The following SKI variants were observed in gnomAD, a reference collection of about 807,000 sequenced individuals.
SKI encodes the protein ski oncogene.
A neutral mutation model predicts 59.3 loss-of-function variants in SKI; 23 were observed. The ratio of observed to expected loss-of-function variants is 0.39; its 90% CI spans 0.28 to 0.55. SKI has a LOEUF of 0.55. Ranked by LOEUF, SKI falls within the 20% of genes least tolerant of loss-of-function variation. SKI has a pLI of 0.67. For synonymous variants in SKI, 673 were observed against 488.6 expected (o/e 1.38, Z -4.98); for missense variants, 1,017 against 1,038.9 (o/e 0.98, Z 0.29).
At chr1:2,236,945 G>A (rs564057881) in intron 1 of SKI, among the ~76,000 whole-genome samples, 1 of 152,284 alleles carries the variant, frequency 6.6e-6, no homozygotes, top group South Asian at 2.1e-4. Flanking sequence ...CAGGTCCCAC[G>A]GTGCTGCTTG....
At chr1:2,302,136 T>C (rs751421787) in intron 1 of SKI, among the ~76,000 whole-genome samples, 1 of 152,174 alleles carries the variant, frequency 6.6e-6, no homozygotes, top group Non-Finnish European at 1.5e-5. Flanking sequence ...TCACTGGCTC[T>C]TGGGGGATGT....
At chr1:2,234,321 C>T (rs1287947395) in intron 1 of SKI, among the ~76,000 whole-genome samples, 1 of 152,152 alleles carries the variant, frequency 6.6e-6, no homozygotes, top group Non-Finnish European at 1.5e-5. Flanking sequence ...GGTCTGTCAT[C>T]CGTCTGTCTG....
intron 1 of SKI, among the ~76,000 whole-genome samples, chr1:2,295,418 A>C (rs1262393941): frequency 1.3e-5 from 2 of 152,266 alleles, no homozygotes; most frequent in Non-Finnish European, 2.9e-5. Context: ...TTTGCGTACC[A>C]TAAAATTCTT....
rs1409258473 is a variant in SKI at position 2,304,496 on chromosome 1, G to C, written c.1678G>C (p.Glu560Gln). 6.3e-7 allele frequency: 1 copy of C among 1,580,964 alleles called. No homozygotes were observed. The highest frequency in any genetic ancestry group is 1.2e-5 in the South Asian group (1 of 86,382). The change falls in exon 5 of 7, where the codon GAG (glutamate) becomes CAG (glutamine). Residue 560 changes from glutamate to glutamine, a missense_variant. By Grantham distance (29) the Glu-to-Gln change is conservative (BLOSUM62 2). Transcript: ENST00000378536. ...CGGCCTGGACACCAAGGAAGCCAAAGAGAAGTTCCTGCATGAGGTGGTCAA... is the reference window on the plus strand; with the variant it reads ...CGGCCTGGACACCAAGGAAGCCAAACAGAAGTTCCTGCATGAGGTGGTCAA... ...EGGLDTKEAK[E>Q]KFLHEVVKMR...
Position 2,229,881 on chromosome 1 carries a change from C to CA in SKI, c.969+147dup. On this transcript the variant is annotated intron_variant, in intron 1 of 6. Transcript: ENST00000378536. The surrounding 1 kb of genome is among the most constrained non-coding windows in gnomAD (Gnocchi z 6.3). ...GTCTTCGCTTTGTTTTAGGGAAATTCAGAGTGTTCCGACTGGCAGGGCCAG... is the reference window on the plus strand; with the variant it reads ...GTCTTCGCTTTGTTTTAGGGAAATTCAAGAGTGTTCCGACTGGCAGGGCCAG... The CA allele has an allele frequency of 7.0e-7, 1 of 1,435,730 alleles. No homozygotes were observed. The highest frequency in any genetic ancestry group is 9.4e-7 in the Non-Finnish European group (1 of 1,067,070). The allele number at this position is 1,435,730 out of a possible 1,614,324, so 88.9% of individuals were successfully genotyped here. A position where few individuals can be genotyped will look rare whatever the true frequency, so the allele number is the denominator to read the frequency against.
chr1:2,266,493 G>A (rs901118033), intron 1 of SKI, among the ~76,000 whole-genome samples: 4 of 152,134 alleles, frequency 2.6e-5, no homozygotes, highest in African/African-American at 7.2e-5. Context: ...GGGAACTCTC[G>A]GGAGGCAGTG....
intron 1 of SKI, among the ~76,000 whole-genome samples, chr1:2,288,023 T>G (rs1640081218): frequency 6.6e-6 from 1 of 151,856 alleles, no homozygotes; most frequent in Non-Finnish European, 1.5e-5. Context: ...AGTTTCACTC[T>G]TGTTGCCCAG....
intron 1 of SKI, among the ~76,000 whole-genome samples, chr1:2,236,403 C>A (rs920221858): frequency 2.6e-5 from 4 of 152,128 alleles, no homozygotes; most frequent in Non-Finnish European, 4.4e-5. Flanking sequence ...TCTTTTCTCA[C>A]TGTTTCACCA....
intron 1 of SKI, among the ~76,000 whole-genome samples, chr1:2,234,549 G>A (rs891017398): frequency 3.3e-5 from 5 of 152,206 alleles, no homozygotes; most frequent in Non-Finnish European, 5.9e-5. Context: ...AGTCTCTCGG[G>A]GTTGTGGGGC....
At chr1:2,294,200 C>T (rs1252200109) in intron 1 of SKI, among the ~76,000 whole-genome samples, 1 of 152,220 alleles carries the variant, frequency 6.6e-6, no homozygotes, top group Non-Finnish European at 1.5e-5. Context: ...GGGTTTGAGC[C>T]TGATAGCTCC....
At chr1:2,243,120 T>G (rs1638916250) in intron 1 of SKI, among the ~76,000 whole-genome samples, 1 of 152,214 alleles carries the variant, frequency 6.6e-6, no homozygotes, top group Non-Finnish European at 1.5e-5. Flanking sequence ...GCCTGGTGCC[T>G]TTTTGGGCCA....
intron 1 of SKI, among the ~76,000 whole-genome samples, chr1:2,295,045 C>T (rs968613388): frequency 5.9e-5 from 9 of 152,226 alleles, no homozygotes; most frequent in African/African-American, 2.2e-4. Context: ...GCTTTCTGTT[C>T]TTGATGGGCT....
rs1256926720 is a variant in SKI at position 2,228,598 on chromosome 1, C to G, written c.-169C>G. 8 of 162,432 alleles carry G rather than the reference C, an allele frequency of 4.9e-5. No homozygotes were observed. Among genetic ancestry groups the G allele is most frequent in the Non-Finnish European group, 9.7e-5 (8 of 82,498 alleles). The allele number at this position is 162,432 out of a possible 1,614,324, so 10.1% of individuals were successfully genotyped here. A position where few individuals can be genotyped will look rare whatever the true frequency, so the allele number is the denominator to read the frequency against. ...GGGACCCCTTCGCCCCGCCCGCCTT[C>G]CCCTTCGCGCCCCCGGGCGAGGCCG... On this transcript the variant is annotated 5_prime_UTR_variant, in exon 1 of 7. Coordinates refer to ENST00000378536, the MANE Select transcript of SKI (RefSeq NM_003036.4).
In SKI at chr1:2,303,758, T is replaced by C; in HGVS notation, c.1212-82T>C. 1 of 1,548,972 alleles carries C rather than the reference T, an allele frequency of 6.5e-7. No homozygotes were observed. Among genetic ancestry groups the C allele is most frequent in the Non-Finnish European group, 8.8e-7 (1 of 1,136,870 alleles). On this transcript the variant is annotated intron_variant, in intron 3 of 6. Transcript: ENST00000378536. This position sits in a 1 kb window ranked among gnomAD's most constrained non-coding sequence, Gnocchi z 5.6. Reference sequence around the variant, plus strand: ...GGGAAAGTCTTTCCTGTTTAACACCTTCAGAGGGGGTGTGCGCCAGGATGT... The same window carrying C: ...GGGAAAGTCTTTCCTGTTTAACACCCTCAGAGGGGGTGTGCGCCAGGATGT...
intron 1 of SKI, among the ~76,000 whole-genome samples, chr1:2,298,486 C>T (rs147888735): frequency 1.6e-3 from 245 of 152,312 alleles, no homozygotes; most frequent in African/African-American, 5.2e-3. Flanking sequence ...GGCCTGTCCC[C>T]GGGCCGGATG....
intron 1 of SKI, among the ~76,000 whole-genome samples, chr1:2,264,470 A>G (rs1261152280): frequency 2.6e-5 from 4 of 151,714 alleles, no homozygotes; most frequent in African/African-American, 7.3e-5. Context: ...GGGTTTCTCC[A>G]TGTTGGACAG....
In SKI at chr1:2,306,769, C is replaced by A. The variant is rs1330809659; in HGVS notation, c.*4C>A. On this transcript the variant is annotated 3_prime_UTR_variant, in exon 7 of 7. Transcript: ENST00000378536. The stretch of plus-strand genomic sequence containing the variant: ...CGCTGCGGAGCTGGAGCCGTAGATT[C>A]CGTGCCTGCCGCCGCAGCGCCGCCG... 4 of 1,502,124 alleles carry A rather than the reference C, an allele frequency of 2.7e-6. No homozygotes were observed. The highest frequency in any genetic ancestry group is 1.5e-5 in the African/African-American group (1 of 68,746). The allele number at this position is 1,502,124 out of a possible 1,614,324, so 93.0% of individuals were successfully genotyped here.
At chr1:2,287,394 T>G (rs1569821629) in intron 1 of SKI, among the ~76,000 whole-genome samples, 1 of 148,938 alleles carries the variant, frequency 6.7e-6, no homozygotes, top group Non-Finnish European at 1.5e-5. Flanking sequence ...TGGAGGGCAG[T>G]GGCGCGATCT....
chr1:2,234,863 C>G (rs1313969323), intron 1 of SKI, among the ~76,000 whole-genome samples: 1 of 152,128 alleles, frequency 6.6e-6, no homozygotes, highest in East Asian at 1.9e-4. Context: ...GGCCCCTGTC[C>G]TTATTCTTCA....
Sources: allele counts gnomAD v4.1 joint callset (sites outside exome capture counted in the v4.1 genomes callset), GRCh38; gene constraint gnomAD v4.1.1; non-coding constraint Gnocchi (gnomAD v3.1); transcripts MANE v1.5; gene names NCBI Gene and HGNC (gene_info 2026-07-23, HGNC 2026-07-21).